The following CDS2 variants were observed in gnomAD, a reference collection of about 807,000 sequenced individuals.
The protein encoded by CDS2 is CDP-diacylglycerol synthase 2, also known as phosphatidate cytidylyltransferase 2.
Under a neutral mutation model 59.0 loss-of-function variants are expected in CDS2, and 47 were observed. The observed-to-expected ratio is 0.80, with a 90% CI of 0.63 to 1.02. The LOEUF (loss-of-function observed/expected upper bound fraction) is 1.02, where lower values mean the gene tolerates loss of function less well. Ranked by LOEUF, CDS2 falls within the 50% of genes least tolerant of loss-of-function variation. The probability of loss-of-function intolerance (pLI) is 0.00; values close to 1 mark genes in which losing one functional copy is unlikely to be tolerated. For missense variants in CDS2, 356 were observed against 558.9 expected (o/e 0.64, Z 3.66); for synonymous variants, 207 against 206.4 (o/e 1.00, Z -0.02).
At position 5,190,341 on chromosome 20, in the gene CDS2, C is replaced by CT. The variant is rs11477708; in HGVS notation, c.*123dup. On this transcript the variant is annotated 3_prime_UTR_variant, in exon 13 of 13. Coordinates refer to ENST00000460006, the MANE Select transcript of CDS2 (RefSeq NM_003818.4). ...CAATGACGAGGCTTCAACTCACTGT[C>CT]TTTTTTTTTTTTTTTTGGAGGGTAT... is the stretch of plus-strand genomic sequence containing the variant. 58,822 of 679,744 alleles carry CT rather than the reference C, an allele frequency of 0.087. No individual in the cohort carries two copies. The highest frequency in any genetic ancestry group is 0.094 in the Non-Finnish European group (43,139 of 459,700). The allele number at this position is 679,744 out of a possible 1,614,324, so 42.1% of individuals were successfully genotyped here. A position where few individuals can be genotyped will look rare whatever the true frequency, so the allele number is the denominator to read the frequency against.
intron 1 of CDS2, among the ~76,000 whole-genome samples, chr20:5,157,125 C>T (rs1194349194): frequency 1.3e-5 from 2 of 151,998 alleles, no homozygotes; most frequent in African/African-American, 2.4e-5. Context: ...AATGGTGGTA[C>T]GCAAAGCAAG....
intron 1 of CDS2, among the ~76,000 whole-genome samples, chr20:5,143,245 A>G (rs1163484293): frequency 6.6e-6 from 1 of 152,184 alleles, no homozygotes; most frequent in African/African-American, 2.4e-5. Flanking sequence ...ATACAACTGC[A>G]CACCCACTAG....
chr20:5,143,630 T>TTC (rs1300534758), intron 1 of CDS2, among the ~76,000 whole-genome samples: 7 of 117,482 alleles, frequency 6.0e-5, no homozygotes, highest in African/African-American at 2.5e-4. Context: ...CTTCTTCTTC[T>TTC]TTTTTTTTTT....
Position 5,185,832 on chromosome 20 carries a change from T to C in CDS2, c.828+6T>C. ...CTGTGGTGTTTGGCCTTCTGGTAGG[T>C]GGTGGCTTTCAGCTGTGTAAGGGAT... On this transcript the variant is annotated splice_donor_region_variant and intron_variant, in intron 9 of 12. Transcript: ENST00000460006. 1.2e-6 allele frequency: 2 copies of C among 1,614,034 alleles called. No homozygotes were observed.
At chr20:5,171,114 C>G (rs73586465) in intron 1 of CDS2, among the ~76,000 whole-genome samples, 11 of 152,210 alleles carry the variant, frequency 7.2e-5, no homozygotes, top group African/African-American at 2.7e-4. Context: ...CTTCACTTCA[C>G]CCCTTCCTAC....
chr20:5,189,847 C>A lies in CDS2; in HGVS notation c.1205+9C>A. On this transcript the variant is annotated intron_variant, in intron 12 of 12. Coordinates refer to ENST00000460006, the MANE Select transcript of CDS2 (RefSeq NM_003818.4). ...ATCGCCAGTTTTATCAGGTATAGTA[C>A]CTTTCCATCTGAACCAAGTTGGTGG... 6.3e-7 allele frequency: 1 copy of A among 1,594,372 alleles called. No homozygotes were observed. The highest frequency in any genetic ancestry group is 8.6e-7 in the Non-Finnish European group (1 of 1,164,264).
At chr20:5,140,233 T>C (rs1035359591) in intron 1 of CDS2, among the ~76,000 whole-genome samples, 4 of 152,262 alleles carry the variant, frequency 2.6e-5, no homozygotes, top group African/African-American at 9.6e-5. Context: ...TAAGTTGTTT[T>C]AAGGTTTTTG....
Position 5,184,358 on chromosome 20 carries a change from C to T in CDS2, c.672-500C>T, listed in dbSNP as rs1229761572. 2.0e-5 allele frequency among the ~76,000 whole-genome samples: 3 copies of T among 151,906 alleles called. No individual in the cohort carries two copies. The highest frequency in any genetic ancestry group is 4.4e-5 in the Non-Finnish European group (3 of 68,010). ...TGGGGTTTCACACTCAAATACAGTC[C>T]TGGGGAAAGATAGGGCCAACTAGAG... On this transcript the variant is annotated intron_variant, in intron 7 of 12. Coordinates refer to ENST00000460006, the MANE Select transcript of CDS2 (RefSeq NM_003818.4). This position sits in a 1 kb window ranked among gnomAD's most constrained non-coding sequence, Gnocchi z 4.3.
chr20:5,179,588 ACTTAC>A (rs1175542455), intron 5 of CDS2, among the ~76,000 whole-genome samples: 1 of 152,140 alleles, frequency 6.6e-6, no homozygotes, highest in Non-Finnish European at 1.5e-5. Context: ...TCATCTAGGA[ACTTAC>A]CATCTTTAGG....
rs2091098827 is a variant in CDS2 at position 5,189,797 on chromosome 20, G to A, written c.1164G>A (p.Leu388=). 6.2e-7 allele frequency: 1 copy of A among 1,614,056 alleles called. No individual in the cohort carries two copies. Among genetic ancestry groups the A allele is most frequent in the Non-Finnish European group, 8.5e-7 (1 of 1,179,928 alleles). The change falls in exon 12 of 13, where the codon CTG becomes CTA. Residue 388 remains leucine, a synonymous_variant. Transcript: ENST00000460006. ...GIMDRFDCQY[L]MATFVNVYIA... ...TGGATCGCTTTGACTGCCAGTATCTGATGGCCACCTTTGTCAATGTATACA... is the reference window on the plus strand; with the variant it reads ...TGGATCGCTTTGACTGCCAGTATCTAATGGCCACCTTTGTCAATGTATACA...
chr20:5,127,571 G>A (rs74894064), intron 1 of CDS2, among the ~76,000 whole-genome samples: 344 of 152,328 alleles, frequency 2.3e-3, no homozygotes, highest in African/African-American at 7.8e-3. Flanking sequence ...TTATTTTGGG[G>A]GGTGGGGGAA....
rs2090558800 is a variant in CDS2, at chr20:5,127,079, C to T, written c.-14C>T. 1 of 1,491,608 alleles carries T rather than the reference C, an allele frequency of 6.7e-7. No homozygotes were observed. Among genetic ancestry groups the T allele is most frequent in the Non-Finnish European group, 8.9e-7 (1 of 1,120,186 alleles). 92.4% of individuals were successfully genotyped at this position (1,491,608 alleles called of 1,614,324 possible). A position where few individuals can be genotyped will look rare whatever the true frequency, so the allele number is the denominator to read the frequency against. ...GCTGCTAGCTCGCGGCGACGTCGGG[C>T]CGATTTTCCCAGGATGACAGAGCTG... is the stretch of plus-strand genomic sequence containing the variant. On this transcript the variant is annotated 5_prime_UTR_variant, in exon 1 of 13. Transcript: ENST00000460006.
intron 1 of CDS2, among the ~76,000 whole-genome samples, chr20:5,150,894 G>C (rs183766192): frequency 8.1e-4 from 124 of 152,342 alleles, no homozygotes; most frequent in Admixed American, 2.2e-3. Context: ...TTCATCATAG[G>C]GTTCCTGGCA....
chr20:5,175,316 A>G lies in CDS2; in HGVS notation c.291+37A>G, dbSNP rs555842312. 1.2e-5 allele frequency: 19 copies of G among 1,548,284 alleles called. No homozygotes were observed. In the South Asian group the frequency reaches 1.7e-4, roughly 14 times the overall value. ...TTCACACTATTTTAGTTTTCCCTTC[A>G]GTTTTTGCTGCAGGCCCGGTTGTCT... On this transcript the variant is annotated intron_variant, in intron 3 of 12. Coordinates refer to ENST00000460006, the MANE Select transcript of CDS2 (RefSeq NM_003818.4).
intron 1 of CDS2, among the ~76,000 whole-genome samples, chr20:5,167,359 G>A (rs996839332): frequency 3.9e-5 from 6 of 152,268 alleles, no homozygotes; most frequent in African/African-American, 1.4e-4. Flanking sequence ...GAAGGACAGG[G>A]TATGGCCATA....
At chr20:5,167,312 C>A (rs1040393811) in intron 1 of CDS2, among the ~76,000 whole-genome samples, 7 of 152,162 alleles carry the variant, frequency 4.6e-5, no homozygotes, top group East Asian at 1.9e-4. Flanking sequence ...TAGCTGAATA[C>A]ATTTTCTTTG....
Position 5,179,777 on chromosome 20 carries a change from T to C in CDS2, c.529+821T>C, listed in dbSNP as rs1193886575. ...GGGTTACTGTGAGGATTAAATCAAA[T>C]ACATTAAAACTTCACAAACATTAAA... On this transcript the variant is annotated intron_variant, in intron 5 of 12. Coordinates refer to ENST00000460006, the MANE Select transcript of CDS2 (RefSeq NM_003818.4). 2.0e-5 allele frequency among the ~76,000 whole-genome samples: 3 copies of C among 152,212 alleles called. No homozygotes were observed. The East Asian group carries it at 5.8e-4, about 29-fold the overall frequency.
At chr20:5,133,310 G>A (rs1432195183) in intron 1 of CDS2, among the ~76,000 whole-genome samples, 1 of 152,124 alleles carries the variant, frequency 6.6e-6, no homozygotes, top group African/African-American at 2.4e-5. Context: ...GGAGTGTAGT[G>A]GCACAGTCAT....
At chr20:5,182,475 A>G in intron 6 of CDS2, 30 bp downstream of exon 6, 1 of 1,588,650 alleles carries the variant, frequency 6.3e-7, no homozygotes, top group Non-Finnish European at 8.6e-7. Flanking sequence ...GTGTGTCAGA[A>G]TTCTTGATTT....
Sources: gnomAD v4.1 joint callset for allele counts (sites outside exome capture counted in the v4.1 genomes callset) on GRCh38, gnomAD v4.1.1 for gene constraint, Gnocchi (gnomAD v3.1) non-coding constraint, MANE v1.5 for transcripts, NCBI Gene and HGNC (gene_info 2026-07-23, HGNC 2026-07-21) for gene names.